Variants in PLPBP observed in about 807,000 individuals in gnomAD.
PLPBP encodes the protein pyridoxal phosphate homeostasis protein.
Under a neutral mutation model 31.2 loss-of-function variants are expected in PLPBP, and 21 were observed. The observed-to-expected ratio is 0.67, with a 90% CI of 0.48 to 0.97. PLPBP has a LOEUF of 0.97. PLPBP is among the 50% of genes least tolerant of loss of function. The pLI, the probability that PLPBP is intolerant of heterozygous loss-of-function variation, is 0.00. For missense variants in PLPBP, 308 were observed against 354.4 expected (o/e 0.87, Z 1.05); for synonymous variants, 124 against 135.6 (o/e 0.91, Z 0.59).
rs1453928061 is a variant in PLPBP, at chr8:37,765,757, A to G, written c.243+11A>G. The G allele has an allele frequency of 6.2e-7, 1 of 1,606,362 alleles. No individual in the cohort carries two copies. Among genetic ancestry groups the G allele is most frequent in the Admixed American group, 1.8e-5 (1 of 57,044 alleles). ...GCATCAAATCCCAAAGTAAGTAGAT[A>G]GCTGAATTCTTTAATTTGTATCTAA... is the stretch of plus-strand genomic sequence containing the variant. On this transcript the variant is annotated intron_variant, in intron 3 of 7. Transcript: ENST00000328195.
At position 37,778,278 on chromosome 8, in the gene PLPBP, A is replaced by G. The variant is rs1803971737; in HGVS notation, c.*174A>G. The G allele has an allele frequency of 3.1e-6, 2 of 648,540 alleles. No individual in the cohort carries two copies. Among genetic ancestry groups the G allele is most frequent in the Non-Finnish European group, 4.8e-6 (2 of 418,788 alleles). The allele number at this position is 648,540 out of a possible 1,614,324, so 40.2% of individuals were successfully genotyped here. On this transcript the variant is annotated 3_prime_UTR_variant, in exon 8 of 8. Transcript: ENST00000328195. ...TGACATAGGAAGCTTGCTTCAGGCA[A>G]TGGCTTTGGATTGAGTTTGAGAAAT...
chr8:37,775,870 A>C (rs751349842), intron 6 of PLPBP, 48 bp from the exon 7 acceptor site: 8 of 1,501,916 alleles, frequency 5.3e-6, no homozygotes, highest in Non-Finnish European at 7.4e-6. Context: ...ACTTTTGGGC[A>C]TCGTTAGAGA....
chr8:37,765,146 C>T (rs889006986), intron 1 of PLPBP, among the ~76,000 whole-genome samples: 2 of 152,142 alleles, frequency 1.3e-5, no homozygotes, highest in Non-Finnish European at 2.9e-5. Flanking sequence ...CCATTGCACT[C>T]CAGCCTGGGC....
rs545122113 is a variant in PLPBP at position 37,779,391 on chromosome 8, G to A, written c.*1287G>A. The A allele has an allele frequency of 3.4e-4, 52 of 152,222 alleles. 1 individual carries two copies. Among genetic ancestry groups the A allele is most frequent in the African/African-American group, 1.2e-3 (51 of 41,508 alleles). 9.4% of individuals were successfully genotyped at this position (152,222 alleles called of 1,614,324 possible). On this transcript the variant is annotated 3_prime_UTR_variant, in exon 8 of 8. Transcript: ENST00000328195. Reference sequence around the variant, plus strand: ...TCCTGAGGAGCACTTTCCAGGCATAGTTACAGCTTCCCCACTGTATTTACA... The same window carrying A: ...TCCTGAGGAGCACTTTCCAGGCATAATTACAGCTTCCCCACTGTATTTACA...
At chr8:37,771,428 C>A (rs909453419) in intron 4 of PLPBP, among the ~76,000 whole-genome samples, 3 of 152,092 alleles carry the variant, frequency 2.0e-5, no homozygotes, top group Non-Finnish European at 4.4e-5. Flanking sequence ...GCGTGAGCCA[C>A]AATGCCTAGC....
Position 37,778,065 on chromosome 8 carries a change from A to G in PLPBP, c.789A>G (p.Ala263=). The G allele has an allele frequency of 1.2e-6, 2 of 1,613,828 alleles. No individual in the cohort carries two copies. Among genetic ancestry groups the G allele is most frequent in the African/African-American group, 1.3e-5 (1 of 75,066 alleles). Reference sequence around the variant, plus strand: ...AACCCACCCCGGACAAGTGCGCAGCAGACGTGAAGGCCCCGCTGGAGGTGG... The same window carrying G: ...AACCCACCCCGGACAAGTGCGCAGCGGACGTGAAGGCCCCGCTGGAGGTGG... ...SKKPTPDKCA[A]DVKAPLEVAQ... is the part of the protein sequence containing the mutation. The change falls in exon 8 of 8, where the codon GCA becomes GCG. Residue 263 remains alanine (A), a synonymous_variant. Transcript: ENST00000328195.
At chr8:37,762,635 G>A (rs570857651), upstream of PLPBP, 4 of 1,555,536 alleles carry the variant, frequency 2.6e-6, no homozygotes, top group African/African-American at 2.7e-5. Flanking sequence ...CCGGGGGCCT[G>A]GGGCTCGGCG....
At chr8:37,768,666 G>C (rs991637593) in intron 4 of PLPBP, among the ~76,000 whole-genome samples, 2 of 151,672 alleles carry the variant, frequency 1.3e-5, no homozygotes, top group African/African-American at 4.8e-5. Flanking sequence ...GTAGAGATGC[G>C]GTTTCACCAT....
intron 1 of PLPBP, among the ~76,000 whole-genome samples, chr8:37,763,479 G>C (rs1803538585): frequency 6.6e-6 from 1 of 152,180 alleles, no homozygotes; most frequent in Admixed American, 6.5e-5. Context: ...CTGAAGACAA[G>C]ACCTGTATTA....
At chr8:37,763,832 G>A (rs1012351766) in intron 1 of PLPBP, among the ~76,000 whole-genome samples, 2 of 152,188 alleles carry the variant, frequency 1.3e-5, no homozygotes, top group African/African-American at 4.8e-5. Context: ...ACTCCGTCAC[G>A]TCCTTGAGAA....
At chr8:37,772,041 T>C (rs1381347953) in intron 4 of PLPBP, among the ~76,000 whole-genome samples, 1 of 152,220 alleles carries the variant, frequency 6.6e-6, no homozygotes, top group Non-Finnish European at 1.5e-5. Context: ...ATTTGCAAAC[T>C]GCCCATCTGA....
chr8:37,766,144 G>T, intron 3 of PLPBP, 136 bp from the exon 4 acceptor site: 1 of 690,426 alleles, frequency 1.4e-6, no homozygotes. Context: ...TAGGAGGCCG[G>T]GTGAAGATTG....
At chr8:37,773,449 C>T (rs1027348238) in intron 5 of PLPBP, among the ~76,000 whole-genome samples, 5 of 143,418 alleles carry the variant, frequency 3.5e-5, no homozygotes, top group African/African-American at 2.6e-5. Context: ...GGATTACAGG[C>T]GTGAGCCACC....
chr8:37,765,473 ATTGGGGTAC>A (rs756923742), intron 1 of PLPBP, 44 bp from the exon 2 acceptor site: 37 of 1,515,324 alleles, frequency 2.4e-5, no homozygotes, highest in Non-Finnish European at 3.2e-5. Context: ...TATGGGATTC[ATTGGGGTAC>A]TGTTCCCAAA....
intron 4 of PLPBP, chr8:37,766,872 C>A: frequency 6.3e-6 from 1 of 159,232 alleles, no homozygotes; most frequent in Non-Finnish European, 1.3e-5. Context: ...GGTGAAACCC[C>A]AACTCTATTA....
Position 37,778,263 on chromosome 8 carries a change from A to G in PLPBP, c.*159A>G. The G allele has an allele frequency of 7.0e-6, 6 of 854,332 alleles. No homozygotes were observed. Among genetic ancestry groups the G allele is most frequent in the Non-Finnish European group, 8.4e-6 (5 of 595,516 alleles). 52.9% of individuals were successfully genotyped at this position (854,332 alleles called of 1,614,324 possible). On this transcript the variant is annotated 3_prime_UTR_variant, in exon 8 of 8. Coordinates refer to ENST00000328195, the MANE Select transcript of PLPBP (RefSeq NM_007198.4). ...TCTGTGCTTAGTCTCTGACATAGGAAGCTTGCTTCAGGCAATGGCTTTGGA... is the reference window on the plus strand; with the variant it reads ...TCTGTGCTTAGTCTCTGACATAGGAGGCTTGCTTCAGGCAATGGCTTTGGA...
At chr8:37,777,650 C>T (rs1481242655) in intron 7 of PLPBP, among the ~76,000 whole-genome samples, 2 of 152,112 alleles carry the variant, frequency 1.3e-5, no homozygotes, top group Admixed American at 6.5e-5. Flanking sequence ...CTCTGCTCAC[C>T]GCAACCTCCA....
In PLPBP at chr8:37,777,889, G is replaced by A; in HGVS notation, c.697-84G>A. The A allele has an allele frequency of 4.8e-6, 7 of 1,472,640 alleles. No homozygotes were observed. The Middle Eastern group carries it at 1.1e-3, about 231-fold the overall frequency. 91.2% of individuals were successfully genotyped at this position (1,472,640 alleles called of 1,614,324 possible). On this transcript the variant is annotated intron_variant, in intron 7 of 7. Coordinates refer to ENST00000328195, the MANE Select transcript of PLPBP (RefSeq NM_007198.4). ...CCCCGTCCATAGAAGGCTCTTGAGA[G>A]CCAGAATGGGGGCACAGCTTCAGCA...
chr8:37,766,226 C>A, intron 3 of PLPBP, 54 bp from the exon 4 acceptor site: 1 of 1,409,380 alleles, frequency 7.1e-7, no homozygotes, highest in Non-Finnish European at 9.8e-7. Flanking sequence ...GGCGTTTGAG[C>A]CAGCAAGGCC....
Sources: gnomAD v4.1 joint callset for allele counts (sites outside exome capture counted in the v4.1 genomes callset) on GRCh38, gnomAD v4.1.1 for gene constraint, MANE v1.5 for transcripts, NCBI Gene and HGNC (gene_info 2026-07-23, HGNC 2026-07-21) for gene names.